WDR49: variants seen among roughly 807,000 people sequenced by gnomAD.
The protein encoded by WDR49 is cilia- and flagella-associated protein 337.
In WDR49, 107 loss-of-function variants were observed where a neutral mutation model predicts 119.5. That is an observed-to-expected ratio of 0.90 (90% CI 0.77 to 1.05). WDR49 has a LOEUF of 1.05. Among genes scored for constraint, WDR49 ranks in the 50% least tolerant of loss-of-function variants. WDR49 has a pLI of 0.00. For synonymous variants in WDR49, 425 were observed against 418.8 expected, an observed-to-expected ratio of 1.01 and a Z score of -0.18; for missense variants, 1,240 against 1,220.5, an observed-to-expected ratio of 1.02 and a Z score of -0.24.
In WDR49 at chr3:167,499,546, AT is replaced by A. The variant is rs1751479897; in HGVS notation, c.3031+606del. On this transcript the variant is annotated intron_variant, in intron 18 of 18. Coordinates refer to ENST00000682715, the MANE Select transcript of WDR49 (RefSeq NM_001366157.1). ...CACAGGACCCCTCTTTGCTGGAAGA[AT>A]TTTTCTACAGAATTATTCCTCAAAC... Among the ~76,000 whole-genome samples, 4 of 152,248 alleles carry A rather than the reference AT, an allele frequency of 2.6e-5. No individual in the cohort carries two copies. The South Asian group carries it at 8.3e-4, about 32-fold the overall frequency.
chr3:167,624,490 A>G (rs1333060072), intron 3 of WDR49, among the ~76,000 whole-genome samples: 1 of 151,976 alleles, frequency 6.6e-6, no homozygotes, highest in Non-Finnish European at 1.5e-5. Context: ...GTTACAAAAC[A>G]CTGCTAGGAA....
intron 7 of WDR49, 55 bp downstream of exon 7, chr3:167,602,072 T>C (rs1560307597): frequency 5.3e-6 from 8 of 1,514,254 alleles, no homozygotes; most frequent in Non-Finnish European, 7.2e-6. Flanking sequence ...AGAGTTGATT[T>C]GGGTAGGAAT....
At chr3:167,598,633 C>T (rs771521269) in intron 7 of WDR49, among the ~76,000 whole-genome samples, 1 of 152,190 alleles carries the variant, frequency 6.6e-6, no homozygotes, top group Non-Finnish European at 1.5e-5. Context: ...CTGAGGGCTC[C>T]CCAGCCATGT....
At chr3:167,568,396 A>C (rs975885585) in intron 8 of WDR49, among the ~76,000 whole-genome samples, 5 of 152,188 alleles carry the variant, frequency 3.3e-5, no homozygotes, top group African/African-American at 9.6e-5. Flanking sequence ...ATTAGTCTAT[A>C]GGTATGCCTT....
At chr3:167,650,974 C>T (rs887863627) in intron 2 of WDR49, among the ~76,000 whole-genome samples, 1 of 152,090 alleles carries the variant, frequency 6.6e-6, no homozygotes, top group Admixed American at 6.6e-5. Flanking sequence ...AAATCTGACT[C>T]CTAGATCTGA....
At chr3:167,530,589 TGAGAACAGAGAA>T in intron 13 of WDR49, among the ~76,000 whole-genome samples, 1 of 151,736 alleles carries the variant, frequency 6.6e-6, no homozygotes, top group South Asian at 2.1e-4. Flanking sequence ...AACAAAACGA[TGAGAACAGAGAA>T]GAGAGCAGGC....
chr3:167,527,382 G>C (rs529087358), intron 15 of WDR49, among the ~76,000 whole-genome samples: 2 of 152,206 alleles, frequency 1.3e-5, no homozygotes, highest in Non-Finnish European at 2.9e-5. Context: ...TTATTTGGCA[G>C]CAGTAAACCA....
At chr3:167,480,410 A>G (rs931886918) in intron 18 of WDR49, among the ~76,000 whole-genome samples, 25 of 152,164 alleles carry the variant, frequency 1.6e-4, no homozygotes, top group African/African-American at 5.8e-4. Context: ...ACCAAAGCAT[A>G]TGAAATTAAA....
At chr3:167,536,401 G>A (rs992486323) in intron 11 of WDR49, among the ~76,000 whole-genome samples, 4 of 151,644 alleles carry the variant, frequency 2.6e-5, no homozygotes, top group African/African-American at 4.8e-5. Flanking sequence ...ATATATGGCC[G>A]GGCACAGTGG....
chr3:167,617,719 A>C (rs114388324), intron 5 of WDR49, among the ~76,000 whole-genome samples: 3,079 of 152,204 alleles, frequency 0.02, 64 homozygotes, highest in Non-Finnish European at 0.024. Flanking sequence ...CTGGAAATGG[A>C]AAGTTTTATA....
At chr3:167,619,450 A>T (rs1345067950) in intron 5 of WDR49, among the ~76,000 whole-genome samples, 3 of 152,152 alleles carry the variant, frequency 2.0e-5, no homozygotes, top group Non-Finnish European at 4.4e-5. Flanking sequence ...AGAAGGTACT[A>T]AAGCCATGGT....
At chr3:167,492,173 T>C (rs1751165090) in intron 18 of WDR49, among the ~76,000 whole-genome samples, 1 of 151,782 alleles carries the variant, frequency 6.6e-6, no homozygotes, top group African/African-American at 2.4e-5. Context: ...TGTTATTTTA[T>C]AATAACAATT....
chr3:167,637,505 G>T (rs913082894), intron 2 of WDR49, among the ~76,000 whole-genome samples: 3 of 151,470 alleles, frequency 2.0e-5, no homozygotes, highest in Non-Finnish European at 3.0e-5. Flanking sequence ...TTAATTTTAG[G>T]ATTGTTTTTC....
intron 14 of WDR49, 57 bp from the exon 15 acceptor site, chr3:167,528,074 G>A: frequency 6.9e-7 from 1 of 1,439,502 alleles, no homozygotes; most frequent in East Asian, 2.3e-5. Context: ...TGATTACAAT[G>A]ACATAACACT....
At chr3:167,528,676 C>T (rs1290461663) in intron 14 of WDR49, among the ~76,000 whole-genome samples, 3 of 151,916 alleles carry the variant, frequency 2.0e-5, no homozygotes, top group Admixed American at 6.6e-5. Context: ...TATAATCATG[C>T]CACTGCACTC....
At chr3:167,527,705 A>G in intron 15 of WDR49, 115 bp downstream of exon 15, 1 of 1,093,052 alleles carries the variant, frequency 9.1e-7, no homozygotes, top group Non-Finnish European at 1.3e-6. Context: ...AAATGTTGTC[A>G]GTTCTTTCAT....
At chr3:167,507,312 C>T (rs1751810161) in intron 16 of WDR49, among the ~76,000 whole-genome samples, 1 of 152,068 alleles carries the variant, frequency 6.6e-6, no homozygotes, top group Non-Finnish European at 1.5e-5. Context: ...TGACATCCCT[C>T]TCCATAAGCC....
intron 18 of WDR49, among the ~76,000 whole-genome samples, chr3:167,480,195 G>T (rs139734774): frequency 7.1e-6 from 1 of 140,510 alleles, no homozygotes; most frequent in African/African-American, 2.7e-5. Flanking sequence ...TTTGCAGTGA[G>T]CCGAGATCAA....
At chr3:167,631,396 G>A (rs538098113) in intron 2 of WDR49, among the ~76,000 whole-genome samples, 1 of 152,096 alleles carries the variant, frequency 6.6e-6, no homozygotes, top group African/African-American at 2.4e-5. Context: ...TGCCTTGTTT[G>A]ATTCTGCTTG....
Sources: gnomAD v4.1 joint callset for allele counts (sites outside exome capture counted in the v4.1 genomes callset) on GRCh38, gnomAD v4.1.1 for gene constraint, MANE v1.5 for transcripts, NCBI Gene and HGNC (gene_info 2026-07-23, HGNC 2026-07-21) for gene names.